Variants in EXTL3 observed in about 807,000 individuals in gnomAD.
EXTL3 encodes exostosin-like 3.
EXTL3 carries 27 observed loss-of-function variants against 69.3 expected under a neutral mutation model. The ratio of observed to expected loss-of-function variants is 0.39; its 90% confidence interval spans 0.29 to 0.54. EXTL3 has a LOEUF of 0.54. EXTL3 is among the 20% of genes least tolerant of loss of function. The pLI, the probability that EXTL3 is intolerant of heterozygous loss-of-function variation, is 0.69. For missense variants in EXTL3, 1,003 were observed against 1,231.8 expected (o/e 0.81, Z 2.78); for synonymous variants, 511 against 499.4 (o/e 1.02, Z -0.31).
rs544721399 is a variant in EXTL3 at position 28,722,514 on chromosome 8, G to A, written c.2148+4307G>A. 2.6e-5 allele frequency among the ~76,000 whole-genome samples: 4 copies of A among 152,116 alleles called. No individual in the cohort carries two copies. The East Asian group carries it at 7.7e-4, about 29-fold the overall frequency. ...GATAGTGCCGGGCGCAGTGGCTCAC[G>A]CCTGTAATCCCAGCACTTTGGGAGA... On this transcript the variant is annotated intron_variant, in intron 3 of 6. Coordinates refer to ENST00000220562, the MANE Select transcript of EXTL3 (RefSeq NM_001440.4).
intron 1 of EXTL3, among the ~76,000 whole-genome samples, chr8:28,687,127 A>G (rs916436750): frequency 2.0e-5 from 3 of 152,324 alleles, no homozygotes; most frequent in African/African-American, 7.2e-5. Flanking sequence ...ACTCCTGGCT[A>G]GACTATAACA....
intron 6 of EXTL3, among the ~76,000 whole-genome samples, chr8:28,749,568 C>A (rs1221318048): frequency 6.6e-6 from 1 of 152,156 alleles, no homozygotes; most frequent in Non-Finnish European, 1.5e-5. Context: ...CATTTAAAAC[C>A]CAAGTTCATG....
chr8:28,666,853 G>A (rs1249645916), intron 1 of EXTL3, among the ~76,000 whole-genome samples: 1 of 152,162 alleles, frequency 6.6e-6, no homozygotes, highest in East Asian at 1.9e-4. Context: ...GGGATTACAG[G>A]CATGAGCCAC....
chr8:28,725,990 C>G (rs536104927), intron 3 of EXTL3, among the ~76,000 whole-genome samples: 45 of 148,204 alleles, frequency 3.0e-4, no homozygotes, highest in African/African-American at 1.1e-3. Context: ...GAGTCTCGCT[C>G]TCTCACCCAG....
At chr8:28,657,492 T>G (rs1807030509) in intron 1 of EXTL3, among the ~76,000 whole-genome samples, 1 of 152,222 alleles carries the variant, frequency 6.6e-6, no homozygotes, top group African/African-American at 2.4e-5. Context: ...GGGAACATTT[T>G]TTTTATTGTA....
intron 1 of EXTL3, among the ~76,000 whole-genome samples, chr8:28,710,015 G>A (rs1289094167): frequency 2.6e-5 from 4 of 152,324 alleles, no homozygotes; most frequent in African/African-American, 7.2e-5. Flanking sequence ...CTTCTGCTTT[G>A]CATTTGTCAG....
At chr8:28,657,530 C>T (rs757104578) in intron 1 of EXTL3, among the ~76,000 whole-genome samples, 16 of 152,164 alleles carry the variant, frequency 1.1e-4, no homozygotes, top group Non-Finnish European at 2.2e-4. Flanking sequence ...AGAGCTGTAA[C>T]ATTCTTATGC....
chr8:28,726,397 C>G (rs1382673159), intron 3 of EXTL3, among the ~76,000 whole-genome samples: 1 of 152,152 alleles, frequency 6.6e-6, no homozygotes, highest in Non-Finnish European at 1.5e-5. Flanking sequence ...ACTCTTCCAC[C>G]CATTTAGTTT....
At chr8:28,678,355 A>G (rs1425175939) in intron 1 of EXTL3, among the ~76,000 whole-genome samples, 1 of 152,178 alleles carries the variant, frequency 6.6e-6, no homozygotes, top group Non-Finnish European at 1.5e-5. Flanking sequence ...TTCGATTCCC[A>G]ATGTTGGAGG....
rs982531660 is a variant in EXTL3 at position 28,672,244 on chromosome 8, T to C, written c.-52-41213T>C. On this transcript the variant is annotated intron_variant, in intron 1 of 6. Transcript: ENST00000523149. ...CATCCTGGCTAACATGGTGAAACCCTGTCTCTACTAAAAATACAAAAAAAT... is the reference window on the plus strand; with the variant it reads ...CATCCTGGCTAACATGGTGAAACCCCGTCTCTACTAAAAATACAAAAAAAT... 6.6e-5 allele frequency among the ~76,000 whole-genome samples: 10 copies of C among 151,972 alleles called. No individual in the cohort carries two copies. The East Asian group carries it at 9.7e-4, about 15-fold the overall frequency.
At chr8:28,675,858 C>T (rs1807373041) in intron 1 of EXTL3, among the ~76,000 whole-genome samples, 1 of 151,894 alleles carries the variant, frequency 6.6e-6, no homozygotes, top group African/African-American at 2.4e-5. Flanking sequence ...CCCATCTCTA[C>T]TAAAAATACA....
intron 5 of EXTL3, chr8:28,741,389 C>T (rs1263418498): frequency 6.6e-6 from 1 of 152,040 alleles, no homozygotes; most frequent in Non-Finnish European, 1.5e-5. Flanking sequence ...AGTCACTGGC[C>T]ATTTAAAGGG....
chr8:28,747,530 C>A (rs917174661), intron 6 of EXTL3, among the ~76,000 whole-genome samples: 2 of 152,032 alleles, frequency 1.3e-5, no homozygotes, highest in Non-Finnish European at 2.9e-5. Context: ...AAAAATTTCC[C>A]CTTAATTTAT....
intron 1 of EXTL3, among the ~76,000 whole-genome samples, chr8:28,660,838 C>CTTTTTTT (rs58151386): frequency 1.8e-3 from 85 of 46,952 alleles, no homozygotes; most frequent in East Asian, 4.4e-3. Context: ...CGATTTTTGG[C>CTTTTTTT]TTTTTTTTTT....
At position 28,750,951 on chromosome 8, in the gene EXTL3, C is replaced by G. The variant is rs1801991045; in HGVS notation, c.*85C>G. The stretch of plus-strand genomic sequence containing the variant: ...CCTAGGCATTGCAGGACCTTGGGCA[C>G]ATCTGCTGGTGGGTGGCCCAGAGCC... On this transcript the variant is annotated 3_prime_UTR_variant, in exon 7 of 7. Coordinates refer to ENST00000220562, the MANE Select transcript of EXTL3 (RefSeq NM_001440.4). This position sits in a 1 kb window ranked among gnomAD's most constrained non-coding sequence, Gnocchi z 5.2. 1 of 1,219,936 alleles carries G rather than the reference C, an allele frequency of 8.2e-7. No homozygotes were observed. Among genetic ancestry groups the G allele is most frequent in the Non-Finnish European group, 1.2e-6 (1 of 839,686 alleles). 75.6% of individuals were successfully genotyped at this position (1,219,936 alleles called of 1,614,324 possible). A position where few individuals can be genotyped will look rare whatever the true frequency, so the allele number is the denominator to read the frequency against.
At position 28,713,257 on chromosome 8, in the gene EXTL3, T is replaced by G. The variant is rs896540856; in HGVS notation, c.-569-200T>G. 2.0e-5 allele frequency among the ~76,000 whole-genome samples: 3 copies of G among 152,202 alleles called. 1 individual carries two copies. The highest frequency in any genetic ancestry group is 6.3e-3 in the Middle Eastern group (2 of 316). On this transcript the variant is annotated intron_variant, in intron 1 of 6. Coordinates refer to ENST00000220562, the MANE Select transcript of EXTL3 (RefSeq NM_001440.4). The stretch of plus-strand genomic sequence containing the variant: ...TCCCCGTGTATACCTCTTGTCCCAG[T>G]GTATTTATTAATAGTCTCCCTTTCC...
Position 28,751,072 on chromosome 8 carries a change from G to C in EXTL3, c.*206G>C, listed in dbSNP as rs554533382. The C allele has an allele frequency of 1.8e-4, 106 of 590,950 alleles. 1 individual carries two copies. In the South Asian group the frequency reaches 2.0e-3, roughly 11 times the overall value. 36.6% of individuals were successfully genotyped at this position (590,950 alleles called of 1,614,324 possible). ...CCTGGAGCCCTGGGCGGAGTCCCCGGGGTTCCCCACACAGGGCACTGACTG... is the reference window on the plus strand; with the variant it reads ...CCTGGAGCCCTGGGCGGAGTCCCCGCGGTTCCCCACACAGGGCACTGACTG... On this transcript the variant is annotated 3_prime_UTR_variant, in exon 7 of 7. Coordinates refer to ENST00000220562, the MANE Select transcript of EXTL3 (RefSeq NM_001440.4).
At chr8:28,679,994 C>T (rs1365565977) in intron 1 of EXTL3, among the ~76,000 whole-genome samples, 3 of 151,302 alleles carry the variant, frequency 2.0e-5, no homozygotes, top group Admixed American at 2.0e-4. Context: ...CAGCTTAAAC[C>T]AAGCAGCATT....
chr8:28,689,848 G>C (rs1800583375), intron 1 of EXTL3, among the ~76,000 whole-genome samples: 1 of 152,218 alleles, frequency 6.6e-6, no homozygotes, highest in Admixed American at 6.5e-5. Flanking sequence ...TCCCTTGCTA[G>C]AGATGGATTA....
Sources: allele counts gnomAD v4.1 joint callset (sites outside exome capture counted in the v4.1 genomes callset), GRCh38; gene constraint gnomAD v4.1.1; non-coding constraint Gnocchi (gnomAD v3.1); transcripts MANE v1.5; gene names NCBI Gene and HGNC (gene_info 2026-07-23, HGNC 2026-07-21).